The following CORIN variants were observed in gnomAD, a reference collection of about 807,000 sequenced individuals.
CORIN encodes the protein corin, serine peptidase.
A neutral mutation model predicts 125.3 loss-of-function variants in CORIN; 117 were observed. The observed-to-expected ratio is 0.93, with a 90% CI of 0.80 to 1.09. The LOEUF (loss-of-function observed/expected upper bound fraction) is 1.09. Among genes scored for constraint, CORIN ranks in the 50% least tolerant of loss-of-function variants. The probability of loss-of-function intolerance (pLI) is 0.00; values close to 1 mark genes in which losing one functional copy is unlikely to be tolerated. For missense variants in CORIN, 1,253 were observed against 1,306.7 expected, an observed-to-expected ratio of 0.96 and a Z score of 0.63; for synonymous variants, 450 against 466.4, an observed-to-expected ratio of 0.96 and a Z score of 0.45.
chr4:47,653,402 A>G, intron 13 of CORIN, 151 bp downstream of exon 13: 1 of 664,728 alleles, frequency 1.5e-6, no homozygotes, highest in Non-Finnish European at 2.6e-6. Flanking sequence ...CTTAAAATAT[A>G]TGCCATACTG....
At chr4:47,702,406 T>A (rs1399816458) in intron 5 of CORIN, among the ~76,000 whole-genome samples, 1 of 152,270 alleles carries the variant, frequency 6.6e-6, no homozygotes, top group Admixed American at 6.5e-5. Flanking sequence ...ATATATATAT[T>A]AGTATTTTTT....
In CORIN at chr4:47,665,012, G is replaced by A. The variant is rs773546238; in HGVS notation, c.1589+20C>T. On this transcript the variant is annotated intron_variant, in intron 11 of 21. Transcript: ENST00000273857. ...TCTCTGAGGCAAAATAAGGGACTGG[G>A]GTAGATCCCATCATATTACCTGCAA... The A allele has an allele frequency of 6.5e-7, 1 of 1,532,408 alleles. No individual in the cohort carries two copies. Among genetic ancestry groups the A allele is most frequent in the Non-Finnish European group, 9.0e-7 (1 of 1,106,618 alleles). 94.9% of individuals were successfully genotyped at this position (1,532,408 alleles called of 1,614,324 possible). A position where few individuals can be genotyped will look rare whatever the true frequency, so the allele number is the denominator to read the frequency against.
chr4:47,661,018 C>A (rs1282982551), intron 12 of CORIN, among the ~76,000 whole-genome samples: 2 of 151,606 alleles, frequency 1.3e-5, no homozygotes, highest in East Asian at 3.9e-4. Context: ...GAGATCCTGT[C>A]GTTTGCAACA....
chr4:47,688,598 T>A (rs1017567886), intron 6 of CORIN, among the ~76,000 whole-genome samples: 4 of 152,042 alleles, frequency 2.6e-5, no homozygotes, highest in African/African-American at 9.7e-5. Flanking sequence ...TGAGACTCCA[T>A]CTCAAAAAAA....
At chr4:47,721,795 T>C (rs1307446259) in intron 5 of CORIN, among the ~76,000 whole-genome samples, 1 of 152,162 alleles carries the variant, frequency 6.6e-6, no homozygotes, top group East Asian at 1.9e-4. Flanking sequence ...CTCAGCAAGA[T>C]ACATACTATT....
chr4:47,674,106 C>T lies in CORIN; in HGVS notation c.1357+287G>A, dbSNP rs958920393. ...AGATAGCATCTGCCTACAGATGGAGCCAAGAAAATAATACAGAGAACTAAT... is the reference window on the plus strand; with the variant it reads ...AGATAGCATCTGCCTACAGATGGAGTCAAGAAAATAATACAGAGAACTAAT... On this transcript the variant is annotated intron_variant, in intron 10 of 21. Coordinates refer to ENST00000273857, the MANE Select transcript of CORIN (RefSeq NM_006587.4). 2.6e-5 allele frequency among the ~76,000 whole-genome samples: 4 copies of T among 152,004 alleles called. No individual in the cohort carries two copies. In the East Asian group the frequency reaches 5.8e-4, roughly 22 times the overall value.
chr4:47,676,162 T>C (rs1345693559), intron 9 of CORIN, among the ~76,000 whole-genome samples: 3 of 152,152 alleles, frequency 2.0e-5, no homozygotes, highest in Non-Finnish European at 4.4e-5. Context: ...CCTGCTTCCC[T>C]TTCCAGCTCT....
intron 2 of CORIN, among the ~76,000 whole-genome samples, chr4:47,791,552 A>G (rs1731079719): frequency 6.6e-6 from 1 of 152,238 alleles, no homozygotes; most frequent in Non-Finnish European, 1.5e-5. Flanking sequence ...ATAATCCTAT[A>G]AAACAGATAA....
chr4:47,664,950 G>A lies in CORIN; in HGVS notation c.1589+82C>T, dbSNP rs1025005719. Reference sequence around the variant, plus strand: ...TGCAGAGCTCCTTAGGGAAATTTACGTTGTCCAAACTCAACTAAGTCTTCA... The same window carrying A: ...TGCAGAGCTCCTTAGGGAAATTTACATTGTCCAAACTCAACTAAGTCTTCA... On this transcript the variant is annotated intron_variant, in intron 11 of 21. Coordinates refer to ENST00000273857, the MANE Select transcript of CORIN (RefSeq NM_006587.4). 3.9e-4 allele frequency: 323 copies of A among 834,168 alleles called. 2 individuals carry two copies. The highest frequency in any genetic ancestry group is 9.8e-4 in the East Asian group (38 of 38,814). 51.7% of individuals were successfully genotyped at this position (834,168 alleles called of 1,614,324 possible). A position where few individuals can be genotyped will look rare whatever the true frequency, so the allele number is the denominator to read the frequency against.
chr4:47,815,599 A>G (rs1036235699), intron 1 of CORIN, among the ~76,000 whole-genome samples: 1 of 152,144 alleles, frequency 6.6e-6, no homozygotes, highest in African/African-American at 2.4e-5. Flanking sequence ...AAACTTGCCA[A>G]TACTATCATT....
rs751064961 is a variant in CORIN, at chr4:47,763,624, A to G, written c.410-38T>C. The G allele has an allele frequency of 2.6e-6, 4 of 1,527,968 alleles. No individual in the cohort carries two copies. The South Asian group carries it at 3.4e-5, about 13-fold the overall frequency. 94.7% of individuals were successfully genotyped at this position (1,527,968 alleles called of 1,614,324 possible). A position where few individuals can be genotyped will look rare whatever the true frequency, so the allele number is the denominator to read the frequency against. On this transcript the variant is annotated intron_variant, in intron 3 of 21. Transcript: ENST00000273857. ...GACATGCACATTTAAGAGTGGACACATCAGAAGTATATGTTTGCAAACTCA... is the reference window on the plus strand; with the variant it reads ...GACATGCACATTTAAGAGTGGACACGTCAGAAGTATATGTTTGCAAACTCA...
At chr4:47,601,814 A>G (rs567925191) in intron 20 of CORIN, among the ~76,000 whole-genome samples, 1 of 152,290 alleles carries the variant, frequency 6.6e-6, no homozygotes, top group Non-Finnish European at 1.5e-5. Context: ...ACTTCTGCCT[A>G]TTGAATTTCC....
chr4:47,697,215 G>A (rs1416796558), intron 5 of CORIN, among the ~76,000 whole-genome samples: 1 of 152,146 alleles, frequency 6.6e-6, no homozygotes, highest in Non-Finnish European at 1.5e-5. Context: ...GTATCTGTAG[G>A]CACAATAGAT....
At chr4:47,797,262 GTAAA>G (rs1731337777) in intron 2 of CORIN, among the ~76,000 whole-genome samples, 1 of 148,522 alleles carries the variant, frequency 6.7e-6, no homozygotes, top group Admixed American at 6.8e-5. Context: ...TTATAATATA[GTAAA>G]TAATTATATA....
intron 19 of CORIN, among the ~76,000 whole-genome samples, chr4:47,606,736 CCTT>C (rs1721664463): frequency 6.7e-6 from 1 of 149,616 alleles, no homozygotes; most frequent in African/African-American, 2.5e-5. Context: ...TCCTTCTTTT[CCTT>C]ATTTCTTCCT....
chr4:47,808,388 G>T (rs372247493), intron 1 of CORIN, among the ~76,000 whole-genome samples: 1 of 152,148 alleles, frequency 6.6e-6, no homozygotes. Flanking sequence ...ATTATTTCCC[G>T]TGGATGCAAA....
chr4:47,822,370 G>A (rs1322477830), intron 1 of CORIN, among the ~76,000 whole-genome samples: 5 of 152,082 alleles, frequency 3.3e-5, no homozygotes, highest in Non-Finnish European at 7.4e-5. Context: ...ACACAACACA[G>A]CCATTAAAAT....
At chr4:47,783,555 G>A (rs1730643822) in intron 3 of CORIN, among the ~76,000 whole-genome samples, 1 of 152,064 alleles carries the variant, frequency 6.6e-6, no homozygotes, top group Non-Finnish European at 1.5e-5. Context: ...AGAATAGAAT[G>A]AATGTCTGGC....
Position 47,600,294 on chromosome 4 carries a change from G to A in CORIN, c.2866C>T (p.Gln956Ter), listed in dbSNP as rs753257536. 2 of 1,613,656 alleles carry A rather than the reference G, an allele frequency of 1.2e-6. No individual in the cohort carries two copies. Among genetic ancestry groups the A allele is most frequent in the Non-Finnish European group, 1.7e-6 (2 of 1,179,722 alleles). Residue 956 changes from glutamine to a stop codon, truncating the protein, a stop_gained, in exon 21 of 22, where the codon CAG becomes TAG. Coordinates refer to ENST00000273857, the MANE Select transcript of CORIN (RefSeq NM_006587.4). LOFTEE classifies it high-confidence loss of function. ...ATGGTCTTCATGTCAAAGTAGGACT[G>A]ACAATGTTCCAGAGAAATAATGCGG... The part of the protein sequence containing the change: ...EVRIISLEHC[Q>*]SYFDMKTITT...
Sources: gnomAD v4.1 joint callset for allele counts (sites outside exome capture counted in the v4.1 genomes callset) on GRCh38, gnomAD v4.1.1 for gene constraint, MANE v1.5 for transcripts, NCBI Gene and HGNC (gene_info 2026-07-23, HGNC 2026-07-21) for gene names.